YOD1: variants seen among roughly 807,000 people sequenced by gnomAD.
YOD1 encodes the protein ubiquitin thioesterase OTU1.
In YOD1, 17 loss-of-function variants were observed where a neutral mutation model predicts 23.7. That is an observed-to-expected ratio of 0.72 (90% CI 0.49 to 1.07). The LOEUF is 1.07. Among genes scored for constraint, YOD1 ranks in the 50% least tolerant of loss-of-function variants. The pLI, the probability that YOD1 is intolerant of heterozygous loss-of-function variation, is 0.00. For synonymous variants in YOD1, 191 were observed against 169.6 expected, an observed-to-expected ratio of 1.13 and a Z score of -0.98; for missense variants, 413 against 447.2, an observed-to-expected ratio of 0.92 and a Z score of 0.69.
In YOD1 at chr1:207,050,830, G is replaced by C. The variant is rs755970691; in HGVS notation, c.201C>G (p.Thr67=). The stretch of plus-strand genomic sequence containing the variant: ...TTTGGCCCTGGAGTTCCCGCACCCG[G>C]GTCCGGCTGGACAGCCCCTGCAAAA... ...THVLQGLSSR[T]RVRELQGQIA... Residue 67 remains threonine (T), a synonymous_variant, in exon 1 of 2, where the codon ACC becomes ACG. Transcript: ENST00000315927. 6.2e-7 allele frequency: 1 copy of C among 1,613,078 alleles called. No individual in the cohort carries two copies. Among genetic ancestry groups the C allele is most frequent in the East Asian group, 2.2e-5 (1 of 44,866 alleles).
Position 207,051,183 on chromosome 1 carries a change from C to T in YOD1, c.-153G>A, listed in dbSNP as rs1003346242. Reference sequence around the variant, plus strand: ...AAACCTCCGTATTCCTAAAGGACAACGGGTCTTGCTACCTATAGAGCGAGT... The same window carrying T: ...AAACCTCCGTATTCCTAAAGGACAATGGGTCTTGCTACCTATAGAGCGAGT... On this transcript the variant is annotated 5_prime_UTR_variant, in exon 1 of 2. Coordinates refer to ENST00000315927, the MANE Select transcript of YOD1 (RefSeq NM_018566.4). The T allele has an allele frequency of 1.4e-6, 2 of 1,387,786 alleles. No individual in the cohort carries two copies. The highest frequency in any genetic ancestry group is 1.9e-6 in the Non-Finnish European group (2 of 1,067,812). The allele number at this position is 1,387,786 out of a possible 1,614,324, so 86.0% of individuals were successfully genotyped here. A position where few individuals can be genotyped will look rare whatever the true frequency, so the allele number is the denominator to read the frequency against.
rs1385799350 is a variant in YOD1 at position 207,045,871 on chromosome 1, T to C, written c.*3149A>G. The C allele has an allele frequency of 6.6e-6, 1 of 152,050 alleles. No individual in the cohort carries two copies. Among genetic ancestry groups the C allele is most frequent in the African/African-American group, 2.4e-5 (1 of 41,422 alleles). 9.4% of individuals were successfully genotyped at this position (152,050 alleles called of 1,614,324 possible). A position where few individuals can be genotyped will look rare whatever the true frequency, so the allele number is the denominator to read the frequency against. On this transcript the variant is annotated 3_prime_UTR_variant, in exon 2 of 2. Transcript: ENST00000315927. ...TCAAGCGGCATGACTACATTAGTTG[T>C]TAAAAACAGGGTCAAACTGACCAGC...
In YOD1 at chr1:207,046,656, A is replaced by C. The variant is rs1057442744; in HGVS notation, c.*2364T>G. ...TAGATAACAGATAAAATACAATGAAATAAGATCCCCTGAATAAATACTTGA... is the reference window on the plus strand; with the variant it reads ...TAGATAACAGATAAAATACAATGAACTAAGATCCCCTGAATAAATACTTGA... On this transcript the variant is annotated 3_prime_UTR_variant, in exon 2 of 2. Transcript: ENST00000315927. 11 of 152,130 alleles carry C rather than the reference A, an allele frequency of 7.2e-5. No homozygotes were observed. The highest frequency in any genetic ancestry group is 2.7e-4 in the African/African-American group (11 of 41,448). 9.4% of individuals were successfully genotyped at this position (152,130 alleles called of 1,614,324 possible). A position where few individuals can be genotyped will look rare whatever the true frequency, so the allele number is the denominator to read the frequency against.
At chr1:207,050,316 G>A (rs937807877) in intron 1 of YOD1, among the ~76,000 whole-genome samples, 5 of 152,072 alleles carry the variant, frequency 3.3e-5, no homozygotes, top group African/African-American at 1.2e-4. Context: ...AAAAAATCCT[G>A]CACCCTTGAG....
In YOD1 at chr1:207,048,370, C is replaced by T. The variant is rs1238467687; in HGVS notation, c.*650G>A. 6.5e-6 allele frequency: 1 copy of T among 152,886 alleles called. No homozygotes were observed. The highest frequency in any genetic ancestry group is 6.5e-5 in the Admixed American group (1 of 15,308). The allele number at this position is 152,886 out of a possible 1,614,324, so 9.5% of individuals were successfully genotyped here. On this transcript the variant is annotated 3_prime_UTR_variant, in exon 2 of 2. Transcript: ENST00000315927. ...CCCTGTAAAAATTGCTTGTGATGTA[C>T]TTATCAGTGGTTAAGCACACATTTA...
At position 207,049,612 on chromosome 1, in the gene YOD1, G is replaced by A; in HGVS notation, c.455C>T (p.Thr152Ile). The change falls in exon 2 of 2, where the codon ACC becomes ATC. Residue 152 changes from threonine (T) to isoleucine (I), a missense_variant. Transcript: ENST00000315927. Reference sequence around the variant, plus strand: ...GCAAGAGTTGTCTGCTGGGACCACGGTTCTGGTAAGCACAGGCAAAGTTTC... The same window carrying A: ...GCAAGAGTTGTCTGCTGGGACCACGATTCTGGTAAGCACAGGCAAAGTTTC... ...VRETLPVLTR[T>I]VVPADNSCLF... is the part of the protein sequence containing the mutation. The A allele has an allele frequency of 5.0e-6, 8 of 1,614,210 alleles. No individual in the cohort carries two copies. The highest frequency in any genetic ancestry group is 6.8e-6 in the Non-Finnish European group (8 of 1,180,044).
intron 1 of YOD1, 75 bp downstream of exon 1, chr1:207,050,613 A>G: frequency 1.3e-6 from 2 of 1,586,410 alleles, no homozygotes; most frequent in East Asian, 2.3e-5. Flanking sequence ...CCTTGCCTTG[A>G]CTGGTGTTTT....
At position 207,050,452 on chromosome 1, in the gene YOD1, G is replaced by A. The variant is rs116259799; in HGVS notation, c.343+236C>T. ...TCAAAGCCGACCAGAAAGCGGAATG[G>A]GGAAGGGGGTCTTCAAGGCTTTGGG... On this transcript the variant is annotated intron_variant, in intron 1 of 1. Transcript: ENST00000315927. Among the ~76,000 whole-genome samples the A allele has an allele frequency of 3.3e-3, 505 of 152,316 alleles. 2 individuals carry two copies. The highest frequency in any genetic ancestry group is 0.01 in the African/African-American group (419 of 41,576).
In YOD1 at chr1:207,051,149, C is replaced by G. The variant is rs914926310; in HGVS notation, c.-119G>C. The G allele has an allele frequency of 2.1e-6, 3 of 1,420,948 alleles. No homozygotes were observed. The highest frequency in any genetic ancestry group is 2.7e-6 in the Non-Finnish European group (3 of 1,092,864). 88.0% of individuals were successfully genotyped at this position (1,420,948 alleles called of 1,614,324 possible). On this transcript the variant is annotated 5_prime_UTR_variant, in exon 1 of 2. Coordinates refer to ENST00000315927, the MANE Select transcript of YOD1 (RefSeq NM_018566.4). The stretch of plus-strand genomic sequence containing the variant: ...ACTGATTTTTCCCCCACCCTCAGAA[C>G]GAAGATGTAAACCTCCGTATTCCTA...
Position 207,047,297 on chromosome 1 carries a change from C to G in YOD1, c.*1723G>C, listed in dbSNP as rs1297679789. On this transcript the variant is annotated 3_prime_UTR_variant, in exon 2 of 2. Coordinates refer to ENST00000315927, the MANE Select transcript of YOD1 (RefSeq NM_018566.4). ...AAAATAACTATGCACACAAAAGGTA[C>G]TCAAGAAATGTCATCTGACAATTTC... 1 of 152,552 alleles carries G rather than the reference C, an allele frequency of 6.6e-6. No homozygotes were observed. Among genetic ancestry groups the G allele is most frequent in the Non-Finnish European group, 1.5e-5 (1 of 67,952 alleles). The allele number at this position is 152,552 out of a possible 1,614,324, so 9.4% of individuals were successfully genotyped here.
chr1:207,049,445 C>G lies in YOD1; in HGVS notation c.622G>C (p.Glu208Gln). The change falls in exon 2 of 2, where the codon GAG becomes CAG. Residue 208 changes from glutamate (E) to glutamine (Q), a missense_variant. Transcript: ENST00000315927. ...SEAILGKTNQ[E>Q]YCDWIKRDDT... Reference sequence around the variant, plus strand: ...TCCCTTTTGATCCAGTCACAGTACTCTTGATTTGTTTTTCCCAGTATTGCC... The same window carrying G: ...TCCCTTTTGATCCAGTCACAGTACTGTTGATTTGTTTTTCCCAGTATTGCC... The G allele has an allele frequency of 6.2e-7, 1 of 1,614,206 alleles. No homozygotes were observed. The highest frequency in any genetic ancestry group is 8.5e-7 in the Non-Finnish European group (1 of 1,180,034).
In YOD1 at chr1:207,047,560, T is replaced by G. The variant is rs1049896947; in HGVS notation, c.*1460A>C. ...AAATAACAAAACTTCACATTAAGCC[T>G]CTTCACATTATGTGAGATAATACAT... On this transcript the variant is annotated 3_prime_UTR_variant, in exon 2 of 2. Coordinates refer to ENST00000315927, the MANE Select transcript of YOD1 (RefSeq NM_018566.4). 3 of 152,614 alleles carry G rather than the reference T, an allele frequency of 2.0e-5. No homozygotes were observed. Among genetic ancestry groups the G allele is most frequent in the Middle Eastern group, 3.2e-3 (1 of 316 alleles). 9.5% of individuals were successfully genotyped at this position (152,614 alleles called of 1,614,324 possible). A position where few individuals can be genotyped will look rare whatever the true frequency, so the allele number is the denominator to read the frequency against.
At chr1:207,049,932 G>A (rs77477276) in intron 1 of YOD1, among the ~76,000 whole-genome samples, 2,416 of 152,250 alleles carry the variant, frequency 0.016, 65 homozygotes, top group African/African-American at 0.053. Flanking sequence ...AACACTTGAG[G>A]TTGCATCCCA....
chr1:207,048,847 T>C lies in YOD1; in HGVS notation c.*173A>G, dbSNP rs927685336. 17 of 637,278 alleles carry C rather than the reference T, an allele frequency of 2.7e-5. No homozygotes were observed. Among genetic ancestry groups the C allele is most frequent in the Non-Finnish European group, 4.0e-5 (15 of 371,396 alleles). The allele number at this position is 637,278 out of a possible 1,614,324, so 39.5% of individuals were successfully genotyped here. Reference sequence around the variant, plus strand: ...CCACTGTAGACACACATCTGTAAACTTGCACACTAATTTTAATCTTAACAA... The same window carrying C: ...CCACTGTAGACACACATCTGTAAACCTGCACACTAATTTTAATCTTAACAA... On this transcript the variant is annotated 3_prime_UTR_variant, in exon 2 of 2. Coordinates refer to ENST00000315927, the MANE Select transcript of YOD1 (RefSeq NM_018566.4).
Position 207,043,956 on chromosome 1 carries a change from C to CA in YOD1, c.*5063dup, listed in dbSNP as rs1363257204. 1 of 152,498 alleles carries CA rather than the reference C, an allele frequency of 6.6e-6. No individual in the cohort carries two copies. Among genetic ancestry groups the CA allele is most frequent in the East Asian group, 1.9e-4 (1 of 5,198 alleles). The allele number at this position is 152,498 out of a possible 1,614,324, so 9.4% of individuals were successfully genotyped here. A position where few individuals can be genotyped will look rare whatever the true frequency, so the allele number is the denominator to read the frequency against. On this transcript the variant is annotated 3_prime_UTR_variant, in exon 2 of 2. Coordinates refer to ENST00000315927, the MANE Select transcript of YOD1 (RefSeq NM_018566.4). ...AATCAATGCATCTTAATGACAATGG[C>CA]AAAATCACATAAGAGTTGTAGAAAA...
chr1:207,052,595 G>T (rs1312884807), upstream of YOD1, among the ~76,000 whole-genome samples: 1 of 152,088 alleles, frequency 6.6e-6, no homozygotes, highest in Non-Finnish European at 1.5e-5. Context: ...CAAAAGTTGC[G>T]GTGCCAAGGT....
At chr1:207,049,758 A>G (rs1209249753) in intron 1 of YOD1, 35 bp from the exon 2 acceptor site, 2 of 1,563,228 alleles carry the variant, frequency 1.3e-6, no homozygotes, top group East Asian at 4.5e-5. Context: ...ATCTGCAAAG[A>G]AATTACAGAA....
chr1:207,052,199 A>G (rs772208444), upstream of YOD1: 10 of 1,612,810 alleles, frequency 6.2e-6, no homozygotes, highest in Non-Finnish European at 8.5e-6. Context: ...ACTGTAAAAG[A>G]CTTTGCTTCT....
At chr1:207,049,791 A>C (rs1026023375) in intron 1 of YOD1, 68 bp from the exon 2 acceptor site, 3 of 1,433,992 alleles carry the variant, frequency 2.1e-6, no homozygotes, top group Non-Finnish European at 2.8e-6. Flanking sequence ...TCTCTAGCCA[A>C]GTCTGTAAAT....
Sources: gnomAD v4.1 joint callset for allele counts (sites outside exome capture counted in the v4.1 genomes callset) on GRCh38, gnomAD v4.1.1 for gene constraint, MANE v1.5 for transcripts, NCBI Gene and HGNC (gene_info 2026-07-23, HGNC 2026-07-21) for gene names.